The following NKAIN2 variants were observed in gnomAD, a reference collection of about 807,000 sequenced individuals.
NKAIN2 encodes the protein sodium/potassium-transporting ATPase subunit beta-1-interacting protein 2.
In NKAIN2, 14 loss-of-function variants were observed where a neutral mutation model predicts 32.6. The observed-to-expected ratio is 0.43, with a 90% CI of 0.28 to 0.67. NKAIN2 has a LOEUF of 0.67. Ranked by LOEUF, NKAIN2 falls within the 30% of genes least tolerant of loss-of-function variation. NKAIN2 has a pLI of 0.17. For missense variants in NKAIN2, 198 were observed against 258.3 expected (o/e 0.77, Z 1.60); for synonymous variants, 80 against 87.2 (o/e 0.92, Z 0.46).
rs141363674 is a variant in NKAIN2, at chr6:124,089,719, C to T, written c.55-193286C>T. Among the ~76,000 whole-genome samples, 627 of 152,112 alleles carry T rather than the reference C, an allele frequency of 4.1e-3. 5 individuals are homozygous for T. Among genetic ancestry groups the T allele is most frequent in the African/African-American group, 0.014 (591 of 41,554 alleles). On this transcript the variant is annotated intron_variant, in intron 1 of 6. Coordinates refer to ENST00000368417, the MANE Select transcript of NKAIN2 (RefSeq NM_001040214.3). ...CATTTGTCTGGATTTTATTCATACA[C>T]AATTAGCATATTCCATGAAAATAAG...
At chr6:124,533,708 T>A (rs1779612928) in intron 3 of NKAIN2, among the ~76,000 whole-genome samples, 1 of 152,166 alleles carries the variant, frequency 6.6e-6, no homozygotes. Flanking sequence ...CCTATATTTA[T>A]GGGTTGTCTA....
At chr6:123,904,417 G>T (rs111313751) in intron 1 of NKAIN2, among the ~76,000 whole-genome samples, 2 of 152,176 alleles carry the variant, frequency 1.3e-5, no homozygotes, top group Non-Finnish European at 2.9e-5. Context: ...CAGATCAGAT[G>T]TCTATCATCT....
At chr6:124,361,011 A>G (rs1431009141) in intron 3 of NKAIN2, among the ~76,000 whole-genome samples, 1 of 152,148 alleles carries the variant, frequency 6.6e-6, no homozygotes, top group Non-Finnish European at 1.5e-5. Context: ...TCCCTTGATC[A>G]TATATCAAAT....
At chr6:124,700,952 AC>A (rs1774751781) in intron 4 of NKAIN2, among the ~76,000 whole-genome samples, 2 of 149,814 alleles carry the variant, frequency 1.3e-5, no homozygotes, top group African/African-American at 4.9e-5. Flanking sequence ...TAGAAAATAC[AC>A]ACACATATAA....
intron 4 of NKAIN2, among the ~76,000 whole-genome samples, chr6:124,758,485 G>T (rs2114727821): frequency 6.6e-6 from 1 of 152,220 alleles, no homozygotes; most frequent in Admixed American, 6.5e-5. Context: ...CTGCGTAACT[G>T]TGAGAAATAA....
chr6:124,358,523 T>C (rs1198459343), intron 3 of NKAIN2, among the ~76,000 whole-genome samples: 5 of 152,156 alleles, frequency 3.3e-5, no homozygotes, highest in Non-Finnish European at 7.4e-5. Flanking sequence ...TCTCTGATGG[T>C]CAGTGATGAT....
intron 4 of NKAIN2, among the ~76,000 whole-genome samples, chr6:124,691,983 T>C (rs1038210363): frequency 1.2e-4 from 18 of 152,228 alleles, no homozygotes; most frequent in African/African-American, 4.3e-4. Flanking sequence ...ATGATAAAAG[T>C]GCATTGTTAT....
chr6:124,462,266 C>A (rs577635846), intron 3 of NKAIN2, among the ~76,000 whole-genome samples: 27 of 151,954 alleles, frequency 1.8e-4, no homozygotes, highest in Admixed American at 1.3e-3. Flanking sequence ...AATAAAAGCA[C>A]CATAATCTAA....
intron 4 of NKAIN2, among the ~76,000 whole-genome samples, chr6:124,693,831 C>G (rs1774369744): frequency 6.6e-6 from 1 of 152,086 alleles, no homozygotes; most frequent in African/African-American, 2.4e-5. Context: ...TTAGTTAGAC[C>G]CTTCCTGTCT....
intron 1 of NKAIN2, among the ~76,000 whole-genome samples, chr6:124,257,795 T>TG (rs1794020418): frequency 6.6e-6 from 1 of 150,456 alleles, no homozygotes; most frequent in African/African-American, 2.4e-5. Flanking sequence ...TTTTTTTTTT[T>TG]GAGACGGGGT....
At chr6:124,697,936 A>G (rs1296324888) in intron 4 of NKAIN2, among the ~76,000 whole-genome samples, 1 of 152,160 alleles carries the variant, frequency 6.6e-6, no homozygotes, top group Non-Finnish European at 1.5e-5. Flanking sequence ...TGTATCTTAC[A>G]TTCAGAAGTC....
chr6:124,018,563 T>A (rs1370353578), intron 1 of NKAIN2, among the ~76,000 whole-genome samples: 1 of 152,162 alleles, frequency 6.6e-6, no homozygotes, highest in Non-Finnish European at 1.5e-5. Context: ...AGTTCAAAGT[T>A]CAACAGATCT....
At chr6:124,304,899 C>A (rs1441369503) in intron 2 of NKAIN2, among the ~76,000 whole-genome samples, 1 of 151,770 alleles carries the variant, frequency 6.6e-6, no homozygotes, top group Non-Finnish European at 1.5e-5. Flanking sequence ...GGCGACAGAA[C>A]AAGACTTGCC....
At chr6:124,096,980 A>T (rs1404874336) in intron 1 of NKAIN2, among the ~76,000 whole-genome samples, 2 of 152,224 alleles carry the variant, frequency 1.3e-5, no homozygotes, top group Non-Finnish European at 1.5e-5. Flanking sequence ...GAATGATTTA[A>T]GAACGTAGAT....
chr6:124,208,095 C>T (rs898580606), intron 1 of NKAIN2, among the ~76,000 whole-genome samples: 2 of 151,760 alleles, frequency 1.3e-5, no homozygotes, highest in Non-Finnish European at 2.9e-5. Context: ...GAGAGTACAA[C>T]ATGGACAAAA....
chr6:124,079,484 A>C (rs1364416237), intron 1 of NKAIN2, among the ~76,000 whole-genome samples: 1 of 152,070 alleles, frequency 6.6e-6, no homozygotes, highest in African/African-American at 2.4e-5. Flanking sequence ...TCATGGTCTC[A>C]TTTGTTTCTC....
intron 4 of NKAIN2, among the ~76,000 whole-genome samples, chr6:124,670,441 C>G: frequency 6.6e-6 from 1 of 152,040 alleles, no homozygotes; most frequent in Non-Finnish European, 1.5e-5. Context: ...TTTTGTATAG[C>G]ATTATTTTAA....
intron 1 of NKAIN2, among the ~76,000 whole-genome samples, chr6:124,017,999 G>C (rs2114752280): frequency 6.6e-6 from 1 of 152,284 alleles, no homozygotes. Flanking sequence ...GTTCATAGGG[G>C]CTTCACCCCT....
At chr6:124,581,829 A>G (rs1375051282) in intron 3 of NKAIN2, among the ~76,000 whole-genome samples, 1 of 152,210 alleles carries the variant, frequency 6.6e-6, no homozygotes, top group Non-Finnish European at 1.5e-5. Context: ...GAAACACAAC[A>G]CACCAAAACC....
Sources: allele counts gnomAD v4.1 joint callset (sites outside exome capture counted in the v4.1 genomes callset), GRCh38; gene constraint gnomAD v4.1.1; transcripts MANE v1.5; gene names NCBI Gene and HGNC (gene_info 2026-07-23, HGNC 2026-07-21).